ZC3HAV1: variants seen among roughly 807,000 people sequenced by gnomAD.
The protein encoded by ZC3HAV1 is zinc finger CCCH-type antiviral protein 1.
A neutral mutation model predicts 86.6 loss-of-function variants in ZC3HAV1; 41 were observed. The ratio of observed to expected loss-of-function variants is 0.47; its 90% CI spans 0.37 to 0.61. The LOEUF (loss-of-function observed/expected upper bound fraction) is 0.61. Among genes scored for constraint, ZC3HAV1 ranks in the 20% least tolerant of loss-of-function variants. The pLI, the probability that ZC3HAV1 is intolerant of heterozygous loss-of-function variation, is 0.00. For synonymous variants in ZC3HAV1, 421 were observed against 432.1 expected, an observed-to-expected ratio of 0.97 and a Z score of 0.32; for missense variants, 964 against 1,141.1, an observed-to-expected ratio of 0.84 and a Z score of 2.24.
chr7:139,077,321 G>A (rs987456400), intron 5 of ZC3HAV1, among the ~76,000 whole-genome samples: 1 of 152,188 alleles, frequency 6.6e-6, no homozygotes, highest in African/African-American at 2.4e-5. Context: ...TTGGCTCACT[G>A]CAACCTCCAC....
chr7:139,065,966 T>C (rs1360281854), intron 7 of ZC3HAV1, among the ~76,000 whole-genome samples: 1 of 151,978 alleles, frequency 6.6e-6, no homozygotes, highest in Non-Finnish European at 1.5e-5. Flanking sequence ...ATCTCTAGTC[T>C]CAAAGCATAT....
intron 5 of ZC3HAV1, among the ~76,000 whole-genome samples, chr7:139,078,096 G>A (rs529796084): frequency 3.2e-4 from 49 of 152,246 alleles, no homozygotes; most frequent in Admixed American, 1.6e-3. Context: ...AAAATTAGCC[G>A]GACGGGGTGG....
At position 139,073,291 on chromosome 7, in the gene ZC3HAV1, C is replaced by T. The variant is rs147775013; in HGVS notation, c.1872+565G>A. The stretch of plus-strand genomic sequence containing the variant: ...TCCAGCATGGGTGATAAGAGTGAAA[C>T]TCCATCTCAAAAATAAATAAATAAA... On this transcript the variant is annotated intron_variant, in intron 7 of 12. Coordinates refer to ENST00000242351, the MANE Select transcript of ZC3HAV1 (RefSeq NM_020119.4). 7.4e-3 allele frequency among the ~76,000 whole-genome samples: 1,126 copies of T among 151,802 alleles called. 19 individuals are homozygous for T. The highest frequency in any genetic ancestry group is 0.026 in the African/African-American group (1,064 of 41,348).
At chr7:139,067,261 C>T (rs1249635445) in intron 7 of ZC3HAV1, among the ~76,000 whole-genome samples, 10 of 151,988 alleles carry the variant, frequency 6.6e-5, no homozygotes, top group African/African-American at 1.5e-4. Flanking sequence ...CGAATTCTCC[C>T]GCCTCAGCCT....
Position 139,055,259 on chromosome 7 carries a change from A to C in ZC3HAV1, c.2133T>G (p.Thr711=). 1 of 1,613,556 alleles carries C rather than the reference A, an allele frequency of 6.2e-7. No homozygotes were observed. Among genetic ancestry groups the C allele is most frequent in the Admixed American group, 1.7e-5 (1 of 59,974 alleles). Residue 711 remains threonine (T), a synonymous_variant, in exon 10 of 13, where the codon ACT becomes ACG. Coordinates refer to ENST00000242351, the MANE Select transcript of ZC3HAV1 (RefSeq NM_020119.4). ...AGTCCTCCTGAGGACGAAAGGTCGC[A>C]GTTAAAGACACTGACGAGGTCTTTG... ...QPAKTSSVSL[T]ATFRPQEDFC... is the part of the protein sequence containing the mutation.
intron 6 of ZC3HAV1, among the ~76,000 whole-genome samples, chr7:139,075,439 T>G (rs1816912721): frequency 6.6e-6 from 1 of 151,308 alleles, no homozygotes; most frequent in Non-Finnish European, 1.5e-5. Flanking sequence ...ATGTTTTTAC[T>G]TATTTATTTT....
Position 139,079,482 on chromosome 7 carries a change from C to T in ZC3HAV1, c.1459G>A (p.Ala487Thr), listed in dbSNP as rs1458421588. Residue 487 changes from alanine to threonine, a missense_variant, in exon 4 of 13, where the codon GCA becomes ACA. Ala to Thr is a moderately conservative substitution (Grantham distance 58). Transcript: ENST00000242351. ...RIADDADPRV[A>T]LVNDSLSDVT... The stretch of plus-strand genomic sequence containing the variant: ...CCTTTGTATTTACCGTTAACAAGTG[C>T]TACTCTTGGGTCAGCATCATCTGCG... The T allele has an allele frequency of 8.7e-6, 14 of 1,614,110 alleles. No homozygotes were observed. In the Middle Eastern group the frequency reaches 1.5e-3, roughly 171 times the overall value.
In ZC3HAV1 at chr7:139,089,474, G is replaced by C. The variant is rs1385257011; in HGVS notation, c.444+150C>G. 9.2e-6 allele frequency: 9 copies of C among 982,418 alleles called. No homozygotes were observed. In the Admixed American group the frequency reaches 2.2e-4, roughly 24 times the overall value. The allele number at this position is 982,418 out of a possible 1,614,324, so 60.9% of individuals were successfully genotyped here. The stretch of plus-strand genomic sequence containing the variant: ...CCTCAAATAGGAGAGAAATTTCTGG[G>C]ATCTCTTAGTTCACTCAATAACAGC... On this transcript the variant is annotated intron_variant, in intron 2 of 12. Coordinates refer to ENST00000242351, the MANE Select transcript of ZC3HAV1 (RefSeq NM_020119.4).
rs991535982 is a variant in ZC3HAV1, at chr7:139,045,499, G to A, written c.*2095C>T. The A allele has an allele frequency of 6.6e-6, 1 of 152,208 alleles. No individual in the cohort carries two copies. The highest frequency in any genetic ancestry group is 2.4e-5 in the African/African-American group (1 of 41,440). 9.4% of individuals were successfully genotyped at this position (152,208 alleles called of 1,614,324 possible). A position where few individuals can be genotyped will look rare whatever the true frequency, so the allele number is the denominator to read the frequency against. ...ACAGCAAACAACTTAGAAGGGAACAGAGATATTTAAGAGGTAAAACTAGAC... is the reference window on the plus strand; with the variant it reads ...ACAGCAAACAACTTAGAAGGGAACAAAGATATTTAAGAGGTAAAACTAGAC... On this transcript the variant is annotated 3_prime_UTR_variant, in exon 13 of 13. Coordinates refer to ENST00000242351, the MANE Select transcript of ZC3HAV1 (RefSeq NM_020119.4).
chr7:139,073,850 G>A lies in ZC3HAV1; in HGVS notation c.1872+6C>T, dbSNP rs747819972. On this transcript the variant is annotated splice_donor_region_variant and intron_variant, in intron 7 of 12. Transcript: ENST00000242351. ...AGAGCCCCCTACAAGGAGGAACAGT[G>A]CTCACCTCTTCTCCATACTGAATCC... 1 of 1,608,514 alleles carries A rather than the reference G, an allele frequency of 6.2e-7. No individual in the cohort carries two copies. Among genetic ancestry groups the A allele is most frequent in the East Asian group, 2.2e-5 (1 of 44,564 alleles).
At chr7:139,104,219 C>T (rs758296475) in intron 1 of ZC3HAV1, among the ~76,000 whole-genome samples, 1 of 152,040 alleles carries the variant, frequency 6.6e-6, no homozygotes. Flanking sequence ...TACCCACCCC[C>T]ACCCAAAATG....
At chr7:139,100,478 G>A (rs1817717695) in intron 1 of ZC3HAV1, among the ~76,000 whole-genome samples, 1 of 151,762 alleles carries the variant, frequency 6.6e-6, no homozygotes, top group Non-Finnish European at 1.5e-5. Context: ...AGACTGCACT[G>A]AACCGAGATT....
At chr7:139,089,524 G>T in intron 2 of ZC3HAV1, 100 bp downstream of exon 2, 1 of 1,404,120 alleles carries the variant, frequency 7.1e-7, no homozygotes, top group Non-Finnish European at 9.5e-7. Flanking sequence ...GCAGAACCCT[G>T]GCATTAATTT....
intron 1 of ZC3HAV1, among the ~76,000 whole-genome samples, chr7:139,094,916 A>G (rs1817539865): frequency 6.6e-6 from 1 of 151,900 alleles, no homozygotes; most frequent in Non-Finnish European, 1.5e-5. Context: ...CACTTCACAA[A>G]TCGGTAAACA....
chr7:139,066,671 T>C (rs1816615899), intron 7 of ZC3HAV1, among the ~76,000 whole-genome samples: 1 of 152,212 alleles, frequency 6.6e-6, no homozygotes, highest in Non-Finnish European at 1.5e-5. Flanking sequence ...GTAAACCCTA[T>C]GCCTTCCTCG....
chr7:139,059,346 G>A (rs1816380765), intron 9 of ZC3HAV1, among the ~76,000 whole-genome samples: 1 of 152,220 alleles, frequency 6.6e-6, no homozygotes, highest in Non-Finnish European at 1.5e-5. Flanking sequence ...GCCAAGTGCA[G>A]TGGCTCATGC....
chr7:139,099,893 C>T (rs1266698667), intron 1 of ZC3HAV1, among the ~76,000 whole-genome samples: 1 of 151,384 alleles, frequency 6.6e-6, no homozygotes, highest in East Asian at 1.9e-4. Flanking sequence ...CACCACTGCA[C>T]TCTAGCCTGG....
In ZC3HAV1 at chr7:139,079,282, G is replaced by A. The variant is rs563906222; in HGVS notation, c.1471+188C>T. ...CAGTGGATTCCCCAGGTGTGGTGGGGACCAGGTTCCTCAGACTCTGACTTC... is the reference window on the plus strand; with the variant it reads ...CAGTGGATTCCCCAGGTGTGGTGGGAACCAGGTTCCTCAGACTCTGACTTC... On this transcript the variant is annotated intron_variant, in intron 4 of 12. Transcript: ENST00000242351. The A allele has an allele frequency of 2.6e-6, 4 of 1,537,138 alleles. No individual in the cohort carries two copies. The African/African-American group carries it at 4.1e-5, about 16-fold the overall frequency.
intron 5 of ZC3HAV1, among the ~76,000 whole-genome samples, chr7:139,077,523 C>T (rs569317838): frequency 6.6e-5 from 10 of 152,288 alleles, no homozygotes; most frequent in African/African-American, 1.4e-4. Context: ...GGATTACAGG[C>T]GTAAGCCACC....
Sources: allele counts gnomAD v4.1 joint callset (sites outside exome capture counted in the v4.1 genomes callset), GRCh38; gene constraint gnomAD v4.1.1; transcripts MANE v1.5; gene names NCBI Gene and HGNC (gene_info 2026-07-23, HGNC 2026-07-21).